The following DGAT1 variants were observed in gnomAD, a reference collection of about 807,000 sequenced individuals.
DGAT1 encodes the protein diacylglycerol O-acyltransferase 1.
Under a neutral mutation model 72.6 loss-of-function variants are expected in DGAT1, and 60 were observed. That is an observed-to-expected ratio of 0.83 (90% CI 0.67 to 1.02). The LOEUF is 1.02. Among genes scored for constraint, DGAT1 ranks in the 50% least tolerant of loss-of-function variants. The pLI, the probability that DGAT1 is intolerant of heterozygous loss-of-function variation, is 0.00. For missense variants in DGAT1, 592 were observed against 670.0 expected (o/e 0.88, Z 1.29); for synonymous variants, 290 against 267.5 (o/e 1.08, Z -0.82).
rs1817204545 is a variant in DGAT1 at position 144,316,074 on chromosome 8, G to A, written c.*480C>T. The A allele has an allele frequency of 3.0e-6, 1 of 332,896 alleles. No homozygotes were observed. Among genetic ancestry groups the A allele is most frequent in the Non-Finnish European group, 4.4e-6 (1 of 229,850 alleles). 20.6% of individuals were successfully genotyped at this position (332,896 alleles called of 1,614,324 possible). A position where few individuals can be genotyped will look rare whatever the true frequency, so the allele number is the denominator to read the frequency against. On this transcript the variant is annotated 3_prime_UTR_variant, in exon 17 of 17. Coordinates refer to ENST00000528718, the MANE Select transcript of DGAT1 (RefSeq NM_012079.6). ...ACCCAGCAGGAGTAGCACCAGGAGA[G>A]GACGCCTGAGCTGAGCTTTTCTAGG... is the stretch of plus-strand genomic sequence containing the variant.
chr8:144,325,202 C>G (rs1817568425), intron 1 of DGAT1, among the ~76,000 whole-genome samples: 1 of 152,114 alleles, frequency 6.6e-6, no homozygotes, highest in African/African-American at 2.4e-5. Flanking sequence ...CTAGGCCAGC[C>G]TCCCTCACCA....
rs564169336 is a variant in DGAT1 at position 144,314,678 on chromosome 8, C to T, written c.*1876G>A. On this transcript the variant is annotated 3_prime_UTR_variant, in exon 17 of 17. Coordinates refer to ENST00000528718, the MANE Select transcript of DGAT1 (RefSeq NM_012079.6). The stretch of plus-strand genomic sequence containing the variant: ...CAGATATATACACACAGTGGATGGA[C>T]GGACAAGACAGGCAGAGATCTATAA... 5.0e-5 allele frequency: 15 copies of T among 298,832 alleles called. No individual in the cohort carries two copies. Among genetic ancestry groups the T allele is most frequent in the African/African-American group, 1.9e-4 (9 of 47,846 alleles). 18.5% of individuals were successfully genotyped at this position (298,832 alleles called of 1,614,324 possible).
At position 144,317,565 on chromosome 8, in the gene DGAT1, G is replaced by A. The variant is rs782019712; in HGVS notation, c.960C>T (p.Ile320=). The change falls in exon 12 of 17, where the codon ATC becomes ATT. Residue 320 remains isoleucine (I), a synonymous_variant. Coordinates refer to ENST00000528718, the MANE Select transcript of DGAT1 (RefSeq NM_012079.6). ...PFKDMDYSRI[I]ERLLKLAVPN... Reference sequence around the variant, plus strand: ...TCACCGCCAGCTTCAGGAGGCGCTCGATGATGCGTGAGTAGTCCATGTCCT... The same window carrying A: ...TCACCGCCAGCTTCAGGAGGCGCTCAATGATGCGTGAGTAGTCCATGTCCT... 51 of 1,613,856 alleles carry A rather than the reference G, an allele frequency of 3.2e-5. No individual in the cohort carries two copies. Among genetic ancestry groups the A allele is most frequent in the Admixed American group, 6.7e-5 (4 of 60,014 alleles).
rs781110450 is a variant in DGAT1 at position 144,315,690 on chromosome 8, C to G, written c.*864G>C. The G allele has an allele frequency of 1.8e-5, 17 of 953,444 alleles. No homozygotes were observed. Among genetic ancestry groups the G allele is most frequent in the Non-Finnish European group, 2.0e-5 (16 of 800,882 alleles). 59.1% of individuals were successfully genotyped at this position (953,444 alleles called of 1,614,324 possible). ...GGCTGCGCTGTCTGCACTGCCCAGC[C>G]TGGTGCCAGAAGAGCAGAGGGCAAG... is the stretch of plus-strand genomic sequence containing the variant. On this transcript the variant is annotated 3_prime_UTR_variant, in exon 17 of 17. Coordinates refer to ENST00000528718, the MANE Select transcript of DGAT1 (RefSeq NM_012079.6).
intron 8 of DGAT1, 31 bp downstream of exon 8, chr8:144,318,064 C>A: frequency 6.6e-7 from 1 of 1,520,244 alleles, no homozygotes; most frequent in Non-Finnish European, 8.8e-7. Context: ...CCAGCCTGTC[C>A]CCCGCACCTC....
rs371532350 is a variant in DGAT1 at position 144,315,017 on chromosome 8, ACTGT to A, written c.*1533_*1536del. The A allele has an allele frequency of 1.1e-4, 107 of 985,606 alleles. 1 individual carries two copies. The highest frequency in any genetic ancestry group is 5.6e-4 in the South Asian group (12 of 21,290). The allele number at this position is 985,606 out of a possible 1,614,324, so 61.1% of individuals were successfully genotyped here. Reference sequence around the variant, plus strand: ...CGGACAGGTGATGCGGGGCGGGCACACTGTCTTTCTGCCAGAGCCAGCACCCTGT... The same window carrying A: ...CGGACAGGTGATGCGGGGCGGGCACACTTTCTGCCAGAGCCAGCACCCTGT... On this transcript the variant is annotated 3_prime_UTR_variant, in exon 17 of 17. Coordinates refer to ENST00000528718, the MANE Select transcript of DGAT1 (RefSeq NM_012079.6).
Position 144,315,109 on chromosome 8 carries a change from G to C in DGAT1, c.*1445C>G, listed in dbSNP as rs1817152392. On this transcript the variant is annotated 3_prime_UTR_variant, in exon 17 of 17. Transcript: ENST00000528718. Reference sequence around the variant, plus strand: ...GGGTTCTCCACTCAGCCTGGTGGAGGAAGGGAAGGGGGCCTGCGCTGGGCA... The same window carrying C: ...GGGTTCTCCACTCAGCCTGGTGGAGCAAGGGAAGGGGGCCTGCGCTGGGCA... The C allele has an allele frequency of 1.0e-6, 1 of 985,428 alleles. No homozygotes were observed. The highest frequency in any genetic ancestry group is 1.7e-5 in the African/African-American group (1 of 57,240). The allele number at this position is 985,428 out of a possible 1,614,324, so 61.0% of individuals were successfully genotyped here.
At position 144,315,245 on chromosome 8, in the gene DGAT1, C is replaced by A; in HGVS notation, c.*1309G>T. 1.0e-6 allele frequency: 1 copy of A among 985,540 alleles called. No individual in the cohort carries two copies. Among genetic ancestry groups the A allele is most frequent in the Non-Finnish European group, 1.2e-6 (1 of 830,020 alleles). The allele number at this position is 985,540 out of a possible 1,614,324, so 61.0% of individuals were successfully genotyped here. On this transcript the variant is annotated 3_prime_UTR_variant, in exon 17 of 17. Transcript: ENST00000528718. ...CCATGTGGGATGGAGGAGTCGGCCC[C>A]ACACCCATCCCCCCACCAGGAGCTC... is the stretch of plus-strand genomic sequence containing the variant.
At chr8:144,325,768 G>A (rs782730099) in intron 1 of DGAT1, among the ~76,000 whole-genome samples, 10 of 152,190 alleles carry the variant, frequency 6.6e-5, no homozygotes. Flanking sequence ...CTGGAGGATG[G>A]AAGTCCCAAC....
Position 144,318,714 on chromosome 8 carries a change from C to T in DGAT1, c.453G>A (p.Glu151=), listed in dbSNP as rs1390390987. The change falls in exon 5 of 17, where the codon GAG becomes GAA. Residue 151 remains glutamate, a synonymous_variant. Transcript: ENST00000528718. ...NVFAVAAFQV[E]KRLAVGALTE... is the part of the protein sequence containing the mutation. ...CACTGCTTACCACCGCCAGGCGCTT[C>T]TCAACCTGGAATGCAGCCACAGCAA... The T allele has an allele frequency of 6.2e-7, 1 of 1,608,718 alleles. No individual in the cohort carries two copies. The highest frequency in any genetic ancestry group is 2.2e-5 in the East Asian group (1 of 44,706).
At position 144,316,705 on chromosome 8, in the gene DGAT1, G is replaced by A. The variant is rs1554847073; in HGVS notation, c.1316C>T (p.Pro439Leu). 2.5e-6 allele frequency: 4 copies of A among 1,611,556 alleles called. No homozygotes were observed. Among genetic ancestry groups the A allele is most frequent in the Non-Finnish European group, 3.4e-6 (4 of 1,179,234 alleles). ...WAFTGMMAQIPLAWFVGRFFQ... is the reference protein window; with the variant it reads ...WAFTGMMAQILLAWFVGRFFQ... ...AAAGCGGCCCACGAACCAGGCCAGT[G>A]GGATCTAGGGAGTGAGGGGCCAAGT... is the stretch of plus-strand genomic sequence containing the variant. The change falls in exon 17 of 17, where the codon CCA becomes CTA. Residue 439 changes from proline to leucine, a missense_variant. Transcript: ENST00000528718.
chr8:144,316,586 G>C lies in DGAT1; in HGVS notation c.1435C>G (p.Leu479Val). 1 of 1,603,516 alleles carries C rather than the reference G, an allele frequency of 6.2e-7. No homozygotes were observed. Reference protein sequence around the residue: ...VLMYVHDYYVLNYEAPAAEA With the variant: ...VLMYVHDYYVVNYEAPAAEA ...TCTGCCGCTGGGGCCTCATAGTTGA[G>C]CACGTAGTAGTCGTGGACGTACATG... The change falls in exon 17 of 17, where the codon CTC becomes GTC. Residue 479 changes from leucine (L) to valine (V), a missense_variant. By Grantham distance (32) the Leu-to-Val change is conservative. Coordinates refer to ENST00000528718, the MANE Select transcript of DGAT1 (RefSeq NM_012079.6).
chr8:144,326,543 G>T lies in DGAT1; in HGVS notation c.94C>A (p.Arg32=). 1 of 1,270,738 alleles carries T rather than the reference G, an allele frequency of 7.9e-7. No individual in the cohort carries two copies. Among genetic ancestry groups the T allele is most frequent in the Non-Finnish European group, 9.9e-7 (1 of 1,008,590 alleles). 78.7% of individuals were successfully genotyped at this position (1,270,738 alleles called of 1,614,324 possible). ...GGPAAAEEEV[R]DAAAGPDVGA... is the part of the protein sequence containing the mutation. ...ACGTCGGGGCCCGCAGCGGCGTCCC[G>T]CACCTCCTCTTCCGCCGCCGCAGGC... Residue 32 remains arginine (R), a synonymous_variant, in exon 1 of 17, where the codon CGG becomes AGG. Coordinates refer to ENST00000528718, the MANE Select transcript of DGAT1 (RefSeq NM_012079.6).
chr8:144,317,812 G>A lies in DGAT1; in HGVS notation c.866C>T (p.Thr289Ile), dbSNP rs782250375. Residue 289 changes from threonine to isoleucine, a missense_variant, in exon 10 of 17, where the codon ACC becomes ATC. By Grantham distance (89) the Thr-to-Ile change is moderately conservative. Coordinates refer to ENST00000528718, the MANE Select transcript of DGAT1 (RefSeq NM_012079.6). ...CTGGATCAGCCCCACCTGGAGCTGGGTGAAGAACAGCTGGGGGGGAAACAG... is the reference window on the plus strand; with the variant it reads ...CTGGATCAGCCCCACCTGGAGCTGGATGAAGAACAGCTGGGGGGGAAACAG... The part of the protein sequence containing the change: ...LRRILEMLFF[T>I]QLQVGLIQQW... 6.2e-7 allele frequency: 1 copy of A among 1,611,958 alleles called. No individual in the cohort carries two copies. Among genetic ancestry groups the A allele is most frequent in the East Asian group, 2.2e-5 (1 of 44,848 alleles).
Position 144,321,406 on chromosome 8 carries a change from C to G in DGAT1, c.203G>C (p.Cys68Ser). The change falls in exon 2 of 17, where the codon TGC becomes TCC. Residue 68 changes from cysteine (C) to serine (S), a missense_variant and splice_region_variant. Transcript: ENST00000528718. ...GAATAAAGAATCCTGCAGGCGATGGCACCTGACAGAGCACAACACAAGCAC... is the reference window on the plus strand; with the variant it reads ...GAATAAAGAATCCTGCAGGCGATGGGACCTGACAGAGCACAACACAAGCAC... ...GVGSGHWELR[C>S]HRLQDSLFSS... 22 of 1,613,744 alleles carry G rather than the reference C, an allele frequency of 1.4e-5. No homozygotes were observed. Among genetic ancestry groups the G allele is most frequent in the Non-Finnish European group, 1.9e-5 (22 of 1,179,842 alleles).
In DGAT1 at chr8:144,317,413, G is replaced by C. The variant is rs1452388257; in HGVS notation, c.1014C>G (p.Phe338Leu). 1.2e-6 allele frequency: 2 copies of C among 1,613,738 alleles called. No individual in the cohort carries two copies. Among genetic ancestry groups the C allele is most frequent in the African/African-American group, 2.7e-5 (2 of 74,902 alleles). ...TCAGGCAGGAGTGGAAGAGCCAGTA[G>C]AAGAAGATGAGCCAGATGAGGTGAT... ...VPNHLIWLIFFYWLFHSCLNA... is the reference protein window; with the variant it reads ...VPNHLIWLIFLYWLFHSCLNA... Residue 338 changes from phenylalanine to leucine, a missense_variant, in exon 13 of 17, where the codon TTC becomes TTG. Phe to Leu is a conservative substitution (Grantham distance 22, BLOSUM62 0). Coordinates refer to ENST00000528718, the MANE Select transcript of DGAT1 (RefSeq NM_012079.6).
At chr8:144,324,456 C>G (rs778961177) in intron 1 of DGAT1, among the ~76,000 whole-genome samples, 1 of 152,190 alleles carries the variant, frequency 6.6e-6, no homozygotes, top group Non-Finnish European at 1.5e-5. Flanking sequence ...TGCTGCATCC[C>G]TAGGTCTGAG....
rs144810720 is a variant in DGAT1, at chr8:144,315,010, C to T, written c.*1544G>A. On this transcript the variant is annotated 3_prime_UTR_variant, in exon 17 of 17. Coordinates refer to ENST00000528718, the MANE Select transcript of DGAT1 (RefSeq NM_012079.6). ...TCGCACTCGGACAGGTGATGCGGGG[C>T]GGGCACACTGTCTTTCTGCCAGAGC... 24 of 985,642 alleles carry T rather than the reference C, an allele frequency of 2.4e-5. No individual in the cohort carries two copies. Among genetic ancestry groups the T allele is most frequent in the East Asian group, 1.1e-4 (1 of 8,818 alleles). 61.1% of individuals were successfully genotyped at this position (985,642 alleles called of 1,614,324 possible).
At chr8:144,317,469 A>C in intron 12 of DGAT1, 24 bp from the exon 13 acceptor site, 1 of 1,613,556 alleles carries the variant, frequency 6.2e-7, no homozygotes. Flanking sequence ...GGGGGTGGGC[A>C]CCAAGTTCTA....
Sources: allele counts gnomAD v4.1 joint callset (sites outside exome capture counted in the v4.1 genomes callset), GRCh38; gene constraint gnomAD v4.1.1; transcripts MANE v1.5; gene names NCBI Gene and HGNC (gene_info 2026-07-23, HGNC 2026-07-21).